The following ASPSCR1 variants were observed in gnomAD, a reference collection of about 807,000 sequenced individuals.
The protein encoded by ASPSCR1 is ASPSCR1 tether for SLC2A4, UBX domain containing.
In ASPSCR1, 55 loss-of-function variants were observed where a neutral mutation model predicts 68.9. The ratio of observed to expected loss-of-function variants is 0.80; its 90% CI spans 0.64 to 1.00. The LOEUF is 1.00. Among genes scored for constraint, ASPSCR1 ranks in the 50% least tolerant of loss-of-function variants. The pLI, the probability that ASPSCR1 is intolerant of heterozygous loss-of-function variation, is 0.00. For synonymous variants in ASPSCR1, 352 were observed against 332.6 expected (o/e 1.06, Z -0.63); for missense variants, 765 against 762.2 (o/e 1.00, Z -0.04).
intron 9 of ASPSCR1, among the ~76,000 whole-genome samples, chr17:82,010,381 T>C (rs1394306689): frequency 6.6e-6 from 1 of 150,818 alleles, no homozygotes; most frequent in Non-Finnish European, 1.5e-5. Context: ...TACAAAAAAT[T>C]AGTCAGGAGA....
At position 81,996,739 on chromosome 17, in the gene ASPSCR1, C is replaced by A; in HGVS notation, c.826C>A (p.Pro276Thr). ...SAKLPKSLSS[P>T]GGPSKPKKSK... ...TAAGTTGCCGAAGTCCCTCTCCAGCCCTGGAGGCCCCTCCAAGCCAAAGAA... is the reference window on the plus strand; with the variant it reads ...TAAGTTGCCGAAGTCCCTCTCCAGCACTGGAGGCCCCTCCAAGCCAAAGAA... The change falls in exon 7 of 16, where the codon CCT becomes ACT. Residue 276 changes from proline to threonine, a missense_variant. By Grantham distance (38) the Pro-to-Thr change is conservative. Transcript: ENST00000306739. 2 of 1,613,454 alleles carry A rather than the reference C, an allele frequency of 1.2e-6. No individual in the cohort carries two copies. The highest frequency in any genetic ancestry group is 1.7e-6 in the Non-Finnish European group (2 of 1,179,996).
rs758880157 is a variant in ASPSCR1 at position 81,979,251 on chromosome 17, C to T, written c.158+12C>T. ...GAATATGATCTGAAGTGAGTTTGCT[C>T]CAGCTCAGCAGCAGGGTCTGAGTAT... On this transcript the variant is annotated intron_variant, in intron 2 of 15. Coordinates refer to ENST00000306739, the MANE Select transcript of ASPSCR1 (RefSeq NM_024083.4). 3 of 1,613,264 alleles carry T rather than the reference C, an allele frequency of 1.9e-6. No individual in the cohort carries two copies. Among genetic ancestry groups the T allele is most frequent in the East Asian group, 2.2e-5 (1 of 44,880 alleles).
intron 9 of ASPSCR1, 87 bp from the exon 10 acceptor site, chr17:82,010,715 C>A: frequency 7.0e-7 from 1 of 1,425,754 alleles, no homozygotes; most frequent in South Asian, 1.2e-5. Flanking sequence ...GTGTCCATGG[C>A]CCAGCATGGG....
chr17:82,012,521 C>A (rs1291568130), intron 12 of ASPSCR1, among the ~76,000 whole-genome samples: 3 of 152,178 alleles, frequency 2.0e-5, no homozygotes, highest in Non-Finnish European at 4.4e-5. Flanking sequence ...TGCTAGGCGG[C>A]CTGCCTGAAC....
chr17:82,009,346 G>A, intron 8 of ASPSCR1, 140 bp from the exon 9 acceptor site: 1 of 1,370,898 alleles, frequency 7.3e-7, no homozygotes, highest in Non-Finnish European at 9.8e-7. Flanking sequence ...GGGGCCCAGG[G>A]AGGGGCGTCC....
intron 1 of ASPSCR1, chr17:81,978,136 C>T (rs959900873): frequency 2.5e-5 from 4 of 158,154 alleles, no homozygotes; most frequent in African/African-American, 9.6e-5. Context: ...TGCGCGGTGG[C>T]AGATGTCCCG....
rs772676675 is a variant in ASPSCR1 at position 82,012,299 on chromosome 17, C to A, written c.1353+16C>A. 3 of 1,612,464 alleles carry A rather than the reference C, an allele frequency of 1.9e-6. No individual in the cohort carries two copies. In the South Asian group the frequency reaches 3.3e-5, roughly 18 times the overall value. Reference sequence around the variant, plus strand: ...CCTCTTTCAGGTACCTGAGGGCCTCCCTGGGGTGCTGCGGGGCGGGGCCCT... The same window carrying A: ...CCTCTTTCAGGTACCTGAGGGCCTCACTGGGGTGCTGCGGGGCGGGGCCCT... On this transcript the variant is annotated intron_variant, in intron 12 of 15. Coordinates refer to ENST00000306739, the MANE Select transcript of ASPSCR1 (RefSeq NM_024083.4).
chr17:81,984,325 C>T (rs2041891986), intron 3 of ASPSCR1, among the ~76,000 whole-genome samples: 1 of 152,068 alleles, frequency 6.6e-6, no homozygotes, highest in Admixed American at 6.5e-5. Context: ...AGCCTGTAAT[C>T]CCAGCACTTT....
chr17:81,985,427 G>A, intron 3 of ASPSCR1, 80 bp from the exon 4 acceptor site: 1 of 1,465,046 alleles, frequency 6.8e-7, no homozygotes, highest in Middle Eastern at 1.7e-4. Context: ...CCCTCTCTGT[G>A]TCTGGAGAAT....
At chr17:82,016,724 C>T in intron 13 of ASPSCR1, 76 bp from the exon 14 acceptor site, 1 of 1,528,022 alleles carries the variant, frequency 6.5e-7, no homozygotes, top group Admixed American at 1.9e-5. Context: ...GAGCTGAGTG[C>T]TGGTGGGCAG....
intron 7 of ASPSCR1, among the ~76,000 whole-genome samples, chr17:82,000,419 T>G (rs375037364): frequency 3.3e-5 from 5 of 152,150 alleles, no homozygotes; most frequent in Admixed American, 3.3e-4. Context: ...AGCTGATTGA[T>G]GGAGGGCGTC....
At chr17:81,988,159 A>T (rs1424686066) in intron 4 of ASPSCR1, among the ~76,000 whole-genome samples, 1 of 151,448 alleles carries the variant, frequency 6.6e-6, no homozygotes, top group Non-Finnish European at 1.5e-5. Context: ...AAAAAAAAAA[A>T]AAAAAGAAAC....
At chr17:82,011,460 T>G (rs1598432556) in intron 10 of ASPSCR1, 83 bp from the exon 11 acceptor site, 3 of 1,299,968 alleles carry the variant, frequency 2.3e-6, no homozygotes, top group South Asian at 2.8e-5. Flanking sequence ...CCCAGGAGGG[T>G]GGGAGCAGTG....
At position 82,017,027 on chromosome 17, in the gene ASPSCR1, C is replaced by T. The variant is rs577792235; in HGVS notation, c.1562C>T (p.Ala521Val). ...PKSEPAAEEGALVPPEPIPGT... is the reference protein window; with the variant it reads ...PKSEPAAEEGVLVPPEPIPGT... ...TCTGAGCCAGCTGCTGAGGAGGGGGCGCTGGTCCCCCCTGAGCCCATCCCA... is the reference window on the plus strand; with the variant it reads ...TCTGAGCCAGCTGCTGAGGAGGGGGTGCTGGTCCCCCCTGAGCCCATCCCA... The change falls in exon 15 of 16, where the codon GCG (alanine) becomes GTG (valine). Residue 521 changes from alanine (A) to valine (V), a missense_variant. Transcript: ENST00000306739. The T allele has an allele frequency of 2.3e-5, 37 of 1,612,352 alleles. No individual in the cohort carries two copies. Among genetic ancestry groups the T allele is most frequent in the East Asian group, 2.2e-4 (10 of 44,876 alleles).
At chr17:81,978,996 G>GGAC (rs1273517503) in intron 1 of ASPSCR1, among the ~76,000 whole-genome samples, 188 bp from the exon 2 acceptor site, 2 of 152,152 alleles carry the variant, frequency 1.3e-5, no homozygotes, top group Non-Finnish European at 2.9e-5. Flanking sequence ...GAGGGAGAGT[G>GGAC]GACAGGATTT....
In ASPSCR1 at chr17:81,999,269, C is replaced by T. The variant is rs1157884413; in HGVS notation, c.933+2423C>T. Among the ~76,000 whole-genome samples the T allele has an allele frequency of 6.6e-6, 1 of 152,240 alleles. No individual in the cohort carries two copies. The highest frequency in any genetic ancestry group is 2.4e-5 in the African/African-American group (1 of 41,464). ...AGGGGCCAGGTCAGAGCTTCTTGAG[C>T]TCCTGCTGACGTAGTGGGCCTGGAA... On this transcript the variant is annotated intron_variant, in intron 7 of 15. Transcript: ENST00000306739. The surrounding 1 kb of genome is among the most constrained non-coding windows in gnomAD (Gnocchi z 4.4).
chr17:81,988,859 A>G (rs2042078254), intron 4 of ASPSCR1, among the ~76,000 whole-genome samples: 1 of 152,190 alleles, frequency 6.6e-6, no homozygotes, highest in Non-Finnish European at 1.5e-5. Flanking sequence ...CACCCACCCC[A>G]GCTTCTCCTG....
intron 7 of ASPSCR1, among the ~76,000 whole-genome samples, chr17:82,000,087 G>A (rs1039410251): frequency 2.0e-5 from 3 of 152,238 alleles, no homozygotes; most frequent in South Asian, 2.1e-4. Flanking sequence ...CCCTCGACCC[G>A]TGTGCTCCGG....
chr17:81,978,749 C>T (rs1567949235), intron 1 of ASPSCR1: 10 of 231,088 alleles, frequency 4.3e-5, no homozygotes, highest in South Asian at 3.0e-4. Flanking sequence ...TGCAAGGCCA[C>T]GGCTTTGGCT....
Sources: allele counts gnomAD v4.1 joint callset (sites outside exome capture counted in the v4.1 genomes callset), GRCh38; gene constraint gnomAD v4.1.1; non-coding constraint Gnocchi (gnomAD v3.1); transcripts MANE v1.5; gene names NCBI Gene and HGNC (gene_info 2026-07-23, HGNC 2026-07-21).